The following WIPF3 variants were observed in gnomAD, a reference collection of about 807,000 sequenced individuals.
The protein encoded by WIPF3 is WAS/WASL-interacting protein family member 3.
In WIPF3, 33 loss-of-function variants were observed where a neutral mutation model predicts 38.9. That is an observed-to-expected ratio of 0.85 (90% confidence interval 0.64 to 1.14). The LOEUF (loss-of-function observed/expected upper bound fraction) is 1.14. Ranked by LOEUF, WIPF3 falls within the 50% of genes most tolerant of loss-of-function variation. WIPF3 has a pLI of 0.00. For synonymous variants in WIPF3, 324 were observed against 269.3 expected (o/e 1.20, Z -1.99); for missense variants, 711 against 652.5 (o/e 1.09, Z -0.98).
intron 2 of WIPF3, among the ~76,000 whole-genome samples, chr7:29,851,630 C>T (rs925935625): frequency 1.3e-5 from 2 of 152,192 alleles, no homozygotes; most frequent in African/African-American, 2.4e-5. Flanking sequence ...CTGGAAGGCT[C>T]GGTGGACTTT....
chr7:29,910,164 C>T (rs10230420), intron 8 of WIPF3, among the ~76,000 whole-genome samples: 4,861 of 152,096 alleles, frequency 0.032, 98 homozygotes, highest in Middle Eastern at 0.1. Context: ...TCACTCATTG[C>T]ATACCTGTAT....
chr7:29,871,456 C>T (rs766791101), intron 2 of WIPF3, among the ~76,000 whole-genome samples: 4 of 152,158 alleles, frequency 2.6e-5, no homozygotes, highest in Non-Finnish European at 5.9e-5. Context: ...GACCGCAAGG[C>T]TGAAATTGTA....
chr7:29,852,808 G>T (rs1562777918), intron 2 of WIPF3, among the ~76,000 whole-genome samples: 2 of 152,236 alleles, frequency 1.3e-5, no homozygotes, highest in Non-Finnish European at 2.9e-5. Flanking sequence ...TTAGAAAAAG[G>T]AAGGAGTGTG....
At chr7:29,847,257 C>T (rs1190285587) in intron 2 of WIPF3, among the ~76,000 whole-genome samples, 2 of 152,140 alleles carry the variant, frequency 1.3e-5, no homozygotes, top group Non-Finnish European at 2.9e-5. Flanking sequence ...GTGGTCAATA[C>T]AGGGCAGGAG....
rs73686244 is a variant in WIPF3 at position 29,844,218 on chromosome 7, A to C, written c.90+9404A>C. ...GGTGGAAAAGGGTTGGGTGATTTTTATTTTCTTTTTTTTGTGAGTCTGCGT... is the reference window on the plus strand; with the variant it reads ...GGTGGAAAAGGGTTGGGTGATTTTTCTTTTCTTTTTTTTGTGAGTCTGCGT... On this transcript the variant is annotated intron_variant, in intron 2 of 8. Coordinates refer to ENST00000242140, the MANE Select transcript of WIPF3 (RefSeq NM_001080529.3). The surrounding 1 kb of genome is among the most constrained non-coding windows in gnomAD (Gnocchi z 4.8). Among the ~76,000 whole-genome samples, 128 of 151,996 alleles carry C rather than the reference A, an allele frequency of 8.4e-4. No individual in the cohort carries two copies. The highest frequency in any genetic ancestry group is 2.9e-3 in the African/African-American group (121 of 41,480).
intron 2 of WIPF3, among the ~76,000 whole-genome samples, chr7:29,835,243 A>C (rs942729125): frequency 7.2e-5 from 11 of 152,248 alleles, no homozygotes; most frequent in African/African-American, 2.4e-4. Context: ...GTGTAATAGG[A>C]AATGCCACAA....
At chr7:29,832,350 C>G (rs1562772924) in intron 1 of WIPF3, among the ~76,000 whole-genome samples, 1 of 145,110 alleles carries the variant, frequency 6.9e-6, no homozygotes, top group Non-Finnish European at 1.5e-5. Flanking sequence ...TGCCTTAGCA[C>G]CAGCCTGTAA....
chr7:29,834,547 GTGAA>G (rs1158355759), intron 1 of WIPF3, 117 bp from the exon 2 acceptor site: 2 of 907,000 alleles, frequency 2.2e-6, no homozygotes, highest in Non-Finnish European at 3.0e-6. Context: ...GAACAAATGA[GTGAA>G]TGAATGAACA....
In WIPF3 at chr7:29,902,267, TCTTCTTC is replaced by T. The variant is rs781326707; in HGVS notation, c.1352-2018_1352-2012del. On this transcript the variant is annotated intron_variant, in intron 7 of 8. Transcript: ENST00000242140. ...CTGTATATTAGTGTTTTCTTCTTCT[TCTTCTTC>T]TTTTTTTTTTTTTTTTACTTTTTGC... Among the ~76,000 whole-genome samples, 283 of 107,228 alleles carry T rather than the reference TCTTCTTC, an allele frequency of 2.6e-3. 5 individuals are homozygous for T. Among genetic ancestry groups the T allele is most frequent in the African/African-American group, 7.2e-3 (238 of 33,038 alleles). 70.3% of individuals were successfully genotyped at this position (107,228 alleles called of 152,430 possible). A position where few individuals can be genotyped will look rare whatever the true frequency, so the allele number is the denominator to read the frequency against.
intron 1 of WIPF3, among the ~76,000 whole-genome samples, chr7:29,820,221 A>G (rs1408037232): frequency 6.6e-6 from 1 of 152,028 alleles, no homozygotes; most frequent in East Asian, 1.9e-4. Flanking sequence ...CAAACTTTGT[A>G]TATTATTCCC....
chr7:29,889,165 C>A, intron 6 of WIPF3, 141 bp from the exon 7 acceptor site: 1 of 666,198 alleles, frequency 1.5e-6, no homozygotes, highest in Non-Finnish European at 2.7e-6. Context: ...GGAGAATGGC[C>A]CTGTTGTTAA....
At chr7:29,846,363 A>G (rs577547559) in intron 2 of WIPF3, among the ~76,000 whole-genome samples, 2 of 152,350 alleles carry the variant, frequency 1.3e-5, no homozygotes, top group African/African-American at 2.4e-5. Context: ...TGTGTTTTCA[A>G]GTTGGTTAAA....
At position 29,844,317 on chromosome 7, in the gene WIPF3, A is replaced by G. The variant is rs1784965570; in HGVS notation, c.90+9503A>G. On this transcript the variant is annotated intron_variant, in intron 2 of 8. Transcript: ENST00000242140. This position sits in a 1 kb window ranked among gnomAD's most constrained non-coding sequence, Gnocchi z 4.8. Reference sequence around the variant, plus strand: ...AAAGGTTTTTAAAAAGGAATGAATTATCACTTACCCATTGGCTGAGTTGGA... The same window carrying G: ...AAAGGTTTTTAAAAAGGAATGAATTGTCACTTACCCATTGGCTGAGTTGGA... Among the ~76,000 whole-genome samples, 1 of 152,242 alleles carries G rather than the reference A, an allele frequency of 6.6e-6. No homozygotes were observed.
intron 7 of WIPF3, 65 bp from the exon 8 acceptor site, chr7:29,904,221 T>C (rs1174922556): frequency 2.0e-6 from 3 of 1,517,290 alleles, no homozygotes; most frequent in South Asian, 2.3e-5. Context: ...AGAAAGTTTC[T>C]CTGTGAAACA....
At chr7:29,905,674 A>G (rs558371045) in intron 8 of WIPF3, 1 of 151,960 alleles carries the variant, frequency 6.6e-6, no homozygotes, top group African/African-American at 2.4e-5. Context: ...CTGTTCTCTG[A>G]TTGGTTATTG....
chr7:29,874,473 G>T (rs73075945), intron 2 of WIPF3, among the ~76,000 whole-genome samples: 9,934 of 152,194 alleles, frequency 0.065, 445 homozygotes, highest in Middle Eastern at 0.17. Context: ...AGAGAAAACA[G>T]TGAATGGCCT....
chr7:29,862,325 G>T (rs1785301768), intron 2 of WIPF3, among the ~76,000 whole-genome samples: 1 of 152,092 alleles, frequency 6.6e-6, no homozygotes, highest in Non-Finnish European at 1.5e-5. Context: ...TGTCAGACTT[G>T]GTTGTTTCCG....
intron 2 of WIPF3, among the ~76,000 whole-genome samples, chr7:29,839,786 T>A (rs1474603957): frequency 6.6e-6 from 1 of 152,210 alleles, no homozygotes; most frequent in Non-Finnish European, 1.5e-5. Flanking sequence ...CCATAAATAG[T>A]GTTATTGGAG....
chr7:29,819,221 CTCTTG>C (rs1784501025), intron 1 of WIPF3, among the ~76,000 whole-genome samples: 1 of 151,940 alleles, frequency 6.6e-6, no homozygotes, highest in Non-Finnish European at 1.5e-5. Context: ...TAGATGTTCT[CTCTTG>C]TCTTGGTCAC....
Sources: allele counts gnomAD v4.1 joint callset (sites outside exome capture counted in the v4.1 genomes callset), GRCh38; gene constraint gnomAD v4.1.1; non-coding constraint Gnocchi (gnomAD v3.1); transcripts MANE v1.5; gene names NCBI Gene and HGNC (gene_info 2026-07-23, HGNC 2026-07-21).